The following ABCE1 variants were observed in gnomAD, a reference collection of about 807,000 sequenced individuals.
The protein encoded by ABCE1 is ATP binding cassette subfamily E member 1.
In ABCE1, 22 loss-of-function variants were observed where a neutral mutation model predicts 83.4. The ratio of observed to expected loss-of-function variants is 0.26; its 90% CI spans 0.19 to 0.38. The LOEUF (loss-of-function observed/expected upper bound fraction) is 0.38, where lower values mean the gene tolerates loss of function less well. Among genes scored for constraint, ABCE1 ranks in the 10% least tolerant of loss-of-function variants. The probability of loss-of-function intolerance (pLI) is 1.00; values close to 1 mark genes in which losing one functional copy is unlikely to be tolerated. For missense variants in ABCE1, 330 were observed against 721.9 expected, an observed-to-expected ratio of 0.46 and a Z score of 6.22; for synonymous variants, 204 against 233.7, an observed-to-expected ratio of 0.87 and a Z score of 1.16.
chr4:145,122,989 A>G (rs1373612516), intron 13 of ABCE1, 32 bp from the exon 14 acceptor site: 1 of 1,404,184 alleles, frequency 7.1e-7, no homozygotes. Context: ...GTGAAAGTTT[A>G]TCATTTAAAT....
rs758653316 is a variant in ABCE1 at position 145,123,220 on chromosome 4, G to C, written c.1380G>C (p.Gln460His). 1 of 1,603,424 alleles carries C rather than the reference G, an allele frequency of 6.2e-7. No homozygotes were observed. The highest frequency in any genetic ancestry group is 1.1e-5 in the South Asian group (1 of 89,120). Residue 460 changes from glutamine (Q) to histidine (H), a missense_variant, in exon 15 of 18, where the codon CAG becomes CAC. Transcript: ENST00000296577. Reference protein sequence around the residue: ...QIENIIDQEVQTLSGGELQRV... With the variant: ...QIENIIDQEVHTLSGGELQRV... Reference sequence around the variant, plus strand: ...TGCTAAACTCCTCCAATTAGGTGCAGACATTATCTGGTGGTGAACTACAGC... The same window carrying C: ...TGCTAAACTCCTCCAATTAGGTGCACACATTATCTGGTGGTGAACTACAGC...
rs1579215151 is a variant in ABCE1 at position 145,112,315 on chromosome 4, A to T, written c.787A>T (p.Ile263Leu). 3.2e-6 allele frequency: 5 copies of T among 1,582,334 alleles called. No homozygotes were observed. Among genetic ancestry groups the T allele is most frequent in the Non-Finnish European group, 4.3e-6 (5 of 1,163,436 alleles). ...LKAAITIRSLINPDRYIIVVE... is the reference protein window; with the variant it reads ...LKAAITIRSLLNPDRYIIVVE... Reference sequence around the variant, plus strand: ...GGCTGCTATTACTATACGATCTCTAATAAATCCAGATAGGTAAGTAGAGAT... The same window carrying T: ...GGCTGCTATTACTATACGATCTCTATTAAATCCAGATAGGTAAGTAGAGAT... The change falls in exon 9 of 18, where the codon ATA (isoleucine) becomes TTA (leucine). Residue 263 changes from isoleucine (I) to leucine (L), a missense_variant. Physicochemically the swap from Ile to Leu is conservative, Grantham distance 5. Transcript: ENST00000296577.
chr4:145,111,134 A>G (rs780211448), intron 8 of ABCE1, 70 bp downstream of exon 8: 5 of 1,018,622 alleles, frequency 4.9e-6, no homozygotes, highest in African/African-American at 1.6e-5. Flanking sequence ...TGCTGCTAAT[A>G]GAGGAATGGT....
At chr4:145,108,939 G>A (rs1329283936) in intron 4 of ABCE1, among the ~76,000 whole-genome samples, 193 bp from the exon 5 acceptor site, 1 of 152,100 alleles carries the variant, frequency 6.6e-6, no homozygotes, top group Admixed American at 6.5e-5. Context: ...GTTAATCTTG[G>A]CTGTTCTTTT....
At chr4:145,114,132 A>T (rs1749551741) in intron 9 of ABCE1, among the ~76,000 whole-genome samples, 1 of 151,646 alleles carries the variant, frequency 6.6e-6, no homozygotes, top group African/African-American at 2.4e-5. Context: ...AGACAATCTC[A>T]TGTGAGCCAA....
intron 9 of ABCE1, among the ~76,000 whole-genome samples, chr4:145,115,070 T>C (rs1749576467): frequency 1.3e-5 from 2 of 151,998 alleles, no homozygotes; most frequent in African/African-American, 4.8e-5. Flanking sequence ...CATTGAAGAC[T>C]AAGAGATAGC....
At chr4:145,116,007 C>A (rs1220751859) in intron 9 of ABCE1, among the ~76,000 whole-genome samples, 2 of 151,836 alleles carry the variant, frequency 1.3e-5, no homozygotes, top group Non-Finnish European at 2.9e-5. Flanking sequence ...AGGGGGAAAG[C>A]TCATTTGCAT....
At chr4:145,105,582 A>T in intron 2 of ABCE1, 23 bp from the exon 3 acceptor site, 1 of 1,519,678 alleles carries the variant, frequency 6.6e-7, no homozygotes, top group Non-Finnish European at 9.1e-7. Context: ...GAAATGGCTT[A>T]ATTATATCTT....
intron 16 of ABCE1, 143 bp downstream of exon 16, chr4:145,123,743 G>T: frequency 8.3e-6 from 6 of 724,956 alleles, no homozygotes; most frequent in Non-Finnish European, 1.3e-5. Context: ...TGGTATTGGG[G>T]ACTGGATGGG....
intron 11 of ABCE1, 119 bp from the exon 12 acceptor site, chr4:145,121,055 C>G (rs1749728945): frequency 2.2e-6 from 2 of 892,472 alleles, no homozygotes; most frequent in Non-Finnish European, 3.5e-6. Context: ...CTTCAGAATT[C>G]AATAATGTCA....
At chr4:145,118,551 A>C (rs1275771606) in intron 10 of ABCE1, among the ~76,000 whole-genome samples, 1 of 151,740 alleles carries the variant, frequency 6.6e-6, no homozygotes, top group East Asian at 1.9e-4. Flanking sequence ...TCAATTAACA[A>C]ATATGTATTG....
intron 4 of ABCE1, 142 bp from the exon 5 acceptor site, chr4:145,108,990 C>A: frequency 3.4e-6 from 2 of 580,684 alleles, no homozygotes; most frequent in Non-Finnish European, 6.0e-6. Flanking sequence ...TTCCTAATAG[C>A]CAGTAATATC....
In ABCE1 at chr4:145,123,298, T is replaced by C. The variant is rs749225227; in HGVS notation, c.1458T>C (p.Asp486=). ...LGKPADVYLI[D]EPSAYLDSEQ... is the part of the protein sequence containing the mutation. The stretch of plus-strand genomic sequence containing the variant: ...AACCTGCTGATGTCTATTTAATTGA[T>C]GAACCATCTGCATATTTGGATTCTG... Residue 486 remains aspartate (D), a synonymous_variant, in exon 15 of 18, where the codon GAT becomes GAC. Transcript: ENST00000296577. The C allele has an allele frequency of 5.6e-6, 9 of 1,612,614 alleles. No homozygotes were observed. The highest frequency in any genetic ancestry group is 7.6e-6 in the Non-Finnish European group (9 of 1,179,540).
intron 9 of ABCE1, among the ~76,000 whole-genome samples, chr4:145,113,264 T>G (rs1749529082): frequency 6.6e-6 from 1 of 152,220 alleles, no homozygotes; most frequent in African/African-American, 2.4e-5. Context: ...ACAACTTGTC[T>G]ATCATTGCAC....
intron 3 of ABCE1, among the ~76,000 whole-genome samples, chr4:145,107,192 G>A (rs34188526): frequency 0.017 from 2,522 of 151,966 alleles, 32 homozygotes; most frequent in South Asian, 0.036. Context: ...AATTGACTCC[G>A]AGAATTCAAG....
intron 3 of ABCE1, among the ~76,000 whole-genome samples, chr4:145,107,176 A>G (rs1749330545): frequency 6.6e-6 from 1 of 152,062 alleles, no homozygotes; most frequent in Non-Finnish European, 1.5e-5. Context: ...TTTGTTTTTT[A>G]ATGTGAATTG....
chr4:145,103,032 G>A lies in ABCE1; in HGVS notation c.-27-1354G>A, dbSNP rs538964911. ...TAAAAGAGTGTGTGAAAGTTAACAGGGGCTGAAATCTTCAAAGAATGAAAG... is the reference window on the plus strand; with the variant it reads ...TAAAAGAGTGTGTGAAAGTTAACAGAGGCTGAAATCTTCAAAGAATGAAAG... On this transcript the variant is annotated intron_variant, in intron 1 of 17. Transcript: ENST00000296577. Among the ~76,000 whole-genome samples the A allele has an allele frequency of 7.3e-5, 11 of 150,548 alleles. No homozygotes were observed. In the South Asian group the frequency reaches 2.3e-3, roughly 31 times the overall value.
In ABCE1 at chr4:145,108,083, A is replaced by G. The variant is rs756870180; in HGVS notation, c.258A>G (p.Arg86=). The G allele has an allele frequency of 2.5e-6, 4 of 1,613,706 alleles. No individual in the cohort carries two copies. The Middle Eastern group carries it at 6.6e-4, about 266-fold the overall frequency. Reference sequence around the variant, plus strand: ...ACTTGGAAAAAGAAACCACACATCGATATTGTGCCAATGCCTTCAAACTTC... The same window carrying G: ...ACTTGGAAAAAGAAACCACACATCGGTATTGTGCCAATGCCTTCAAACTTC... ...PSNLEKETTH[R]YCANAFKLHR... The change falls in exon 4 of 18, where the codon CGA becomes CGG. Residue 86 remains arginine (R), a synonymous_variant. Coordinates refer to ENST00000296577, the MANE Select transcript of ABCE1 (RefSeq NM_002940.3).
Position 145,104,395 on chromosome 4 carries a change from A to C in ABCE1, c.-18A>C, listed in dbSNP as rs774781231. On this transcript the variant is annotated 5_prime_UTR_variant, in exon 2 of 18. Transcript: ENST00000296577. ...GATTTTTCTTTCATAGAAGAGCTGG[A>C]TATTCTTTCGCCCAGTTATGGCAGA... The C allele has an allele frequency of 3.2e-6, 5 of 1,541,718 alleles. No individual in the cohort carries two copies. The Admixed American group carries it at 9.1e-5, about 28-fold the overall frequency.
Sources: allele counts gnomAD v4.1 joint callset (sites outside exome capture counted in the v4.1 genomes callset), GRCh38; gene constraint gnomAD v4.1.1; transcripts MANE v1.5; gene names NCBI Gene and HGNC (gene_info 2026-07-23, HGNC 2026-07-21).